Variants in MEGF10 observed in about 807,000 individuals in gnomAD.
MEGF10 encodes multiple EGF like domains 10.
In MEGF10, 86 loss-of-function variants were observed where a neutral mutation model predicts 147.5. The ratio of observed to expected loss-of-function variants is 0.58; its 90% confidence interval spans 0.49 to 0.70. The LOEUF (loss-of-function observed/expected upper bound fraction) is 0.70, where lower values mean the gene tolerates loss of function less well. Among genes scored for constraint, MEGF10 ranks in the 30% least tolerant of loss-of-function variants. The probability of loss-of-function intolerance (pLI) is 0.00; values close to 1 mark genes in which losing one functional copy is unlikely to be tolerated. For missense variants in MEGF10, 1,329 were observed against 1,487.3 expected (o/e 0.89, Z 1.75); for synonymous variants, 478 against 525.5 (o/e 0.91, Z 1.24).
At chr5:127,256,250 C>T in the MEGF10 span, among the ~76,000 whole-genome samples, 1 of 152,134 alleles carries the variant, frequency 6.6e-6, no homozygotes, top group Non-Finnish European at 1.5e-5. Context: ...AATCTATTTA[C>T]ACAGATTGGA....
At chr5:127,394,922 C>A (rs1352657435) in intron 5 of MEGF10, among the ~76,000 whole-genome samples, 2 of 152,108 alleles carry the variant, frequency 1.3e-5, no homozygotes, top group East Asian at 3.9e-4. Context: ...TCATTTAAAC[C>A]TTTTGATATT....
chr5:127,399,946 T>A (rs948054681), intron 7 of MEGF10, among the ~76,000 whole-genome samples: 14 of 152,216 alleles, frequency 9.2e-5, no homozygotes, highest in Non-Finnish European at 2.1e-4. Context: ...TAGATTTATA[T>A]TTGTCACCCC....
intron 4 of MEGF10, among the ~76,000 whole-genome samples, chr5:127,366,048 T>C (rs1347081735): frequency 6.6e-6 from 1 of 152,154 alleles, no homozygotes; most frequent in Non-Finnish European, 1.5e-5. Flanking sequence ...TATATTGGTT[T>C]TTCATGTGGA....
At chr5:127,396,925 G>A in intron 6 of MEGF10, 147 bp downstream of exon 6, 1 of 1,192,022 alleles carries the variant, frequency 8.4e-7, no homozygotes, top group South Asian at 1.6e-5. Flanking sequence ...AGTTATAGAG[G>A]TCAGCAGTGA....
chr5:127,238,618 G>A, the MEGF10 span, among the ~76,000 whole-genome samples: 2 of 152,258 alleles, frequency 1.3e-5, no homozygotes, highest in South Asian at 2.1e-4. Flanking sequence ...GTGGCAGGGC[G>A]GTCTGGCTCC....
the MEGF10 span, among the ~76,000 whole-genome samples, chr5:127,282,585 T>C: frequency 2.6e-5 from 4 of 152,264 alleles, no homozygotes; most frequent in African/African-American, 9.6e-5. Context: ...ATCTATTGCA[T>C]TGGTGCAAAA....
chr5:127,406,810 C>T (rs1479755956), intron 8 of MEGF10, among the ~76,000 whole-genome samples: 1 of 152,120 alleles, frequency 6.6e-6, no homozygotes, highest in Non-Finnish European at 1.5e-5. Flanking sequence ...AGTGAAGAGA[C>T]AATGGTTTCC....
At chr5:127,439,449 G>T (rs141851313) in intron 17 of MEGF10, among the ~76,000 whole-genome samples, 1 of 152,278 alleles carries the variant, frequency 6.6e-6, no homozygotes, top group Admixed American at 6.5e-5. Flanking sequence ...CATAATTAAA[G>T]AATAGGCTGA....
chr5:127,411,726 T>A (rs115403733), intron 9 of MEGF10, among the ~76,000 whole-genome samples: 3,347 of 152,308 alleles, frequency 0.022, 49 homozygotes, highest in Middle Eastern at 0.048. Flanking sequence ...ACGTAAATAT[T>A]TGGGGGAATA....
chr5:127,273,214 AG>A, the MEGF10 span, among the ~76,000 whole-genome samples: 1 of 152,158 alleles, frequency 6.6e-6, no homozygotes, highest in Non-Finnish European at 1.5e-5. Flanking sequence ...CCTAATCTGA[AG>A]GTTGTAAAGA....
chr5:127,352,487 C>T (rs573899104), intron 4 of MEGF10, among the ~76,000 whole-genome samples: 1 of 152,078 alleles, frequency 6.6e-6, no homozygotes. Flanking sequence ...CATGGCGAAA[C>T]CTCGTCTTTA....
intron 1 of MEGF10, among the ~76,000 whole-genome samples, chr5:127,304,715 G>C (rs186928582): frequency 2.6e-5 from 4 of 152,218 alleles, no homozygotes; most frequent in Admixed American, 2.6e-4. Context: ...GGCTGGTCTC[G>C]AACTCATGAC....
chr5:127,341,844 G>T (rs1408132834), intron 4 of MEGF10, among the ~76,000 whole-genome samples: 2 of 152,098 alleles, frequency 1.3e-5, no homozygotes, highest in African/African-American at 4.8e-5. Context: ...CTGTTGAATG[G>T]TCACACAATT....
intron 13 of MEGF10, among the ~76,000 whole-genome samples, chr5:127,432,886 A>G (rs938155679): frequency 6.6e-6 from 1 of 152,164 alleles, no homozygotes; most frequent in African/African-American, 2.4e-5. Flanking sequence ...ATGCACCATC[A>G]AGTTATTTTA....
intron 4 of MEGF10, among the ~76,000 whole-genome samples, chr5:127,350,184 A>G (rs1252545010): frequency 6.6e-6 from 1 of 152,100 alleles, no homozygotes; most frequent in Non-Finnish European, 1.5e-5. Flanking sequence ...AAGTTACACC[A>G]GTGACACTGG....
At chr5:127,350,714 A>T (rs938892943) in intron 4 of MEGF10, among the ~76,000 whole-genome samples, 2 of 152,172 alleles carry the variant, frequency 1.3e-5, no homozygotes, top group Non-Finnish European at 2.9e-5. Context: ...GTTTATCAGA[A>T]GTAAAACACC....
At chr5:127,442,364 TC>T (rs1427233524) in intron 18 of MEGF10, among the ~76,000 whole-genome samples, 1 of 152,228 alleles carries the variant, frequency 6.6e-6, no homozygotes, top group African/African-American at 2.4e-5. Context: ...GCTTACACTA[TC>T]CTTTGAAATT....
intron 1 of MEGF10, among the ~76,000 whole-genome samples, chr5:127,303,346 A>T (rs2126718618): frequency 6.6e-6 from 1 of 152,030 alleles, no homozygotes; most frequent in South Asian, 2.1e-4. Context: ...AAAAAAAAAA[A>T]AAAAAAAAAG....
chr5:127,301,918 G>A (rs946771147), intron 1 of MEGF10, among the ~76,000 whole-genome samples: 10 of 152,276 alleles, frequency 6.6e-5, no homozygotes, highest in African/African-American at 2.4e-4. Context: ...AAATGCAGAC[G>A]TTAGAAAATG....
Sources: allele counts gnomAD v4.1 joint callset (sites outside exome capture counted in the v4.1 genomes callset), GRCh38; gene constraint gnomAD v4.1.1; transcripts MANE v1.5; gene names NCBI Gene and HGNC (gene_info 2026-07-23, HGNC 2026-07-21).